SATL1: variants seen among roughly 807,000 people sequenced by gnomAD.
The protein encoded by SATL1 is spermidine/spermine N(1)-acetyltransferase-like protein 1.
In SATL1, 47 loss-of-function variants were observed where a neutral mutation model predicts 51.8. That is an observed-to-expected ratio of 0.91 (90% CI 0.72 to 1.16). The LOEUF is 1.16. Ranked by LOEUF, SATL1 falls within the 50% of genes most tolerant of loss-of-function variation. SATL1 has a pLI of 0.00. For missense variants in SATL1, 520 were observed against 526.4 expected, an observed-to-expected ratio of 0.99 and a Z score of 0.12; for synonymous variants, 176 against 182.4, an observed-to-expected ratio of 0.97 and a Z score of 0.28.
chrX:85,133,070 G>T lies in SATL1; in HGVS notation c.-312-23790C>A, dbSNP rs1489978071. Among the ~76,000 whole-genome samples, 3 of 111,377 alleles carry T rather than the reference G, an allele frequency of 2.7e-5. No homozygotes were observed. The Admixed American group carries it at 2.9e-4, about 11-fold the overall frequency. On this transcript the variant is annotated intron_variant, in intron 2 of 7. Coordinates refer to ENST00000644105, the MANE Select transcript of SATL1 (RefSeq NM_001367857.2). ...ACCCAGCTGTATGAGGTGTCAGTTGGCCCCTACAGGGAGTTGTCTCCAAGT... is the reference window on the plus strand; with the variant it reads ...ACCCAGCTGTATGAGGTGTCAGTTGTCCCCTACAGGGAGTTGTCTCCAAGT...
chrX:85,100,175 C>T (rs1457286220), intron 4 of SATL1, among the ~76,000 whole-genome samples: 1 of 110,601 alleles, frequency 9.0e-6, no homozygotes, highest in Non-Finnish European at 1.9e-5. Flanking sequence ...CAATGCACAA[C>T]AGAGCAAGAC....
chrX:85,107,606 C>T lies in SATL1; in HGVS notation c.1363G>A (p.Gly455Ser). ...GMSQQVPSQL[G>S]MRQPGTSQSS... ...TGGCTAGTGCCTGGTTGTCTCATGCCTAGTTGGCTGGGGACTTGCTGGCTC... is the reference window on the plus strand; with the variant it reads ...TGGCTAGTGCCTGGTTGTCTCATGCTTAGTTGGCTGGGGACTTGCTGGCTC... Residue 455 changes from glycine (G) to serine (S), a missense_variant, in exon 3 of 8, where the codon GGC becomes AGC. Around this residue, in one of 3 missense-constraint regions of SATL1, gnomAD observed 488 missense variants for 474.3 expected, o/e 1.03. Coordinates refer to ENST00000644105, the MANE Select transcript of SATL1 (RefSeq NM_001367857.2). 7 of 1,212,257 alleles carry T rather than the reference C, an allele frequency of 5.8e-6. No homozygotes were observed. Among genetic ancestry groups the T allele is most frequent in the Non-Finnish European group, 7.8e-6 (7 of 895,642 alleles).
At position 85,140,369 on chromosome X, in the gene SATL1, G is replaced by C. The variant is rs1011391928; in HGVS notation, c.-312-31089C>G. Among the ~76,000 whole-genome samples the C allele has an allele frequency of 2.6e-4, 29 of 111,619 alleles. No homozygotes were observed. The Admixed American group carries it at 2.7e-3, about 10-fold the overall frequency. The stretch of plus-strand genomic sequence containing the variant: ...CTAATCCCCATAACAACCCTAAGAG[G>C]GTGGTATTATATTTTAATTTCTACT... On this transcript the variant is annotated intron_variant, in intron 2 of 7. Transcript: ENST00000644105.
chrX:85,144,809 T>C lies in SATL1; in HGVS notation c.-312-35529A>G, dbSNP rs1013218227. On this transcript the variant is annotated intron_variant, in intron 2 of 7. Transcript: ENST00000644105. ...CAGGAGGCTGAGACGGCTGGGTCTC[T>C]TGAGCTCAGAAGTTCAAGACCAGCC... Among the ~76,000 whole-genome samples the C allele has an allele frequency of 2.7e-5, 3 of 111,364 alleles. No individual in the cohort carries two copies. In the Admixed American group the frequency reaches 2.9e-4, roughly 11 times the overall value.
chrX:85,095,953 C>G (rs986669375), intron 4 of SATL1, among the ~76,000 whole-genome samples: 3 of 109,463 alleles, frequency 2.7e-5, no homozygotes, highest in Admixed American at 9.8e-5. Flanking sequence ...CCCATCAAAT[C>G]CTGGGGAAAA....
chrX:85,192,241 T>C (rs1007495791), intron 2 of SATL1, among the ~76,000 whole-genome samples: 20 of 111,921 alleles, frequency 1.8e-4, no homozygotes, highest in African/African-American at 6.5e-4. Context: ...CAGCATGACC[T>C]TTCCAAAACA....
At chrX:85,198,597 A>AT (rs978864517) in intron 2 of SATL1, among the ~76,000 whole-genome samples, 59 of 110,951 alleles carry the variant, frequency 5.3e-4, no homozygotes, top group African/African-American at 1.9e-3. Context: ...GTACCTTTAA[A>AT]TTTTTTTATT....
At position 85,161,904 on chromosome X, in the gene SATL1, C is replaced by A. The variant is rs146543198; in HGVS notation, c.-312-52624G>T. On this transcript the variant is annotated intron_variant, in intron 2 of 7. Transcript: ENST00000644105. ...GTCACATTCTCTAAAATCGACCACA[C>A]CATTGGACATAAAACAATCCTCAGC... Among the ~76,000 whole-genome samples, 686 of 111,071 alleles carry A rather than the reference C, an allele frequency of 6.2e-3. 4 individuals are homozygous for A. Among genetic ancestry groups the A allele is most frequent in the Non-Finnish European group, 0.011 (559 of 52,821 alleles).
At chrX:85,173,513 T>C (rs764512294) in intron 2 of SATL1, among the ~76,000 whole-genome samples, 1 of 110,791 alleles carries the variant, frequency 9.0e-6, no homozygotes, top group South Asian at 3.8e-4. Flanking sequence ...TTTATGATAT[T>C]AAATGTTTTA....
In SATL1 at chrX:85,092,558, C is replaced by G; in HGVS notation, c.1921G>C (p.Ala641Pro). 1 of 1,201,297 alleles carries G rather than the reference C, an allele frequency of 8.3e-7. No individual in the cohort carries two copies. Among genetic ancestry groups the G allele is most frequent in the Admixed American group, 2.2e-5 (1 of 44,536 alleles). Residue 641 changes from alanine to proline, a missense_variant, in exon 8 of 8, where the codon GCC becomes CCC. Around this residue, in one of 3 missense-constraint regions of SATL1, gnomAD observed 488 missense variants for 474.3 expected, o/e 1.03. Coordinates refer to ENST00000644105, the MANE Select transcript of SATL1 (RefSeq NM_001367857.2). ...AEMLKRLSQI[A>P]ITTQCNCMHF... Reference sequence around the variant, plus strand: ...ATGCAGTTACATTGAGTTGTGATGGCTATCTGTTTAAAAACAAACAAGCAA... The same window carrying G: ...ATGCAGTTACATTGAGTTGTGATGGGTATCTGTTTAAAAACAAACAAGCAA...
intron 2 of SATL1, among the ~76,000 whole-genome samples, chrX:85,141,142 G>T (rs142988087): frequency 1.7e-4 from 19 of 111,468 alleles, no homozygotes; most frequent in Non-Finnish European, 1.3e-4. Context: ...GCAAGGGAAG[G>T]CTGCCCTTTC....
At chrX:85,125,561 G>A (rs1002123754) in intron 2 of SATL1, among the ~76,000 whole-genome samples, 4 of 102,475 alleles carry the variant, frequency 3.9e-5, no homozygotes, top group Non-Finnish European at 8.0e-5. Flanking sequence ...AGACAGAGAA[G>A]AATGATAGAA....
intron 2 of SATL1, among the ~76,000 whole-genome samples, chrX:85,111,236 G>T (rs1335350376): frequency 1.8e-5 from 2 of 112,792 alleles, no homozygotes; most frequent in Non-Finnish European, 3.7e-5. Flanking sequence ...TCATAATCTA[G>T]AATTGGTTAA....
intron 2 of SATL1, among the ~76,000 whole-genome samples, chrX:85,187,095 A>G (rs1927329815): frequency 8.9e-6 from 1 of 111,751 alleles, no homozygotes; most frequent in South Asian, 3.7e-4. Flanking sequence ...ATTTTTTGTA[A>G]CTATTGTAAA....
In SATL1 at chrX:85,204,710, C is replaced by T. The variant is rs111392383; in HGVS notation, c.-313+19495G>A. 9.9e-3 allele frequency among the ~76,000 whole-genome samples: 1,101 copies of T among 111,760 alleles called. 16 individuals carry two copies. The highest frequency in any genetic ancestry group is 0.034 in the African/African-American group (1,041 of 30,726). On this transcript the variant is annotated intron_variant, in intron 2 of 7. Coordinates refer to ENST00000644105, the MANE Select transcript of SATL1 (RefSeq NM_001367857.2). ...GACTTTCTTTTATTTCCTTGACTCA[C>T]TTATCCCCTGTGAATACGCACAGGG...
chrX:85,154,549 C>T (rs907905795), intron 2 of SATL1, among the ~76,000 whole-genome samples: 1 of 111,905 alleles, frequency 8.9e-6, no homozygotes, highest in Non-Finnish European at 1.9e-5. Flanking sequence ...CCTATCAACT[C>T]ATTTAAGACT....
intron 2 of SATL1, among the ~76,000 whole-genome samples, chrX:85,215,611 C>A (rs988968215): frequency 8.9e-6 from 1 of 112,353 alleles, no homozygotes; most frequent in Non-Finnish European, 1.9e-5. Flanking sequence ...TACCCTAGGT[C>A]ATCACTCTTA....
chrX:85,220,258 T>G (rs1423144590), intron 2 of SATL1, among the ~76,000 whole-genome samples: 1 of 109,997 alleles, frequency 9.1e-6, no homozygotes, highest in Admixed American at 9.7e-5. Context: ...GGAACTTGAG[T>G]TCGTGCAGAC....
Position 85,133,918 on chromosome X carries a change from C to T in SATL1, c.-312-24638G>A, listed in dbSNP as rs947498743. ...ATTATCAATTATGATATAGAAAATG[C>T]TATATTCACATTGTTTTACATAGAA... On this transcript the variant is annotated intron_variant, in intron 2 of 7. Transcript: ENST00000644105. 3.6e-5 allele frequency among the ~76,000 whole-genome samples: 4 copies of T among 111,957 alleles called. No homozygotes were observed. The Admixed American group carries it at 3.8e-4, about 11-fold the overall frequency.
Sources: allele counts gnomAD v4.1 joint callset (sites outside exome capture counted in the v4.1 genomes callset), GRCh38; gene constraint gnomAD v4.1.1; regional missense constraint gnomAD v4.1.1; transcripts MANE v1.5; gene names NCBI Gene and HGNC (gene_info 2026-07-23, HGNC 2026-07-21).